Variants in TACR3 observed in about 807,000 individuals in gnomAD.
TACR3 encodes tachykinin receptor 3.
Under a neutral mutation model 35.0 loss-of-function variants are expected in TACR3, and 34 were observed. The ratio of observed to expected loss-of-function variants is 0.97; its 90% CI spans 0.74 to 1.30. The LOEUF (loss-of-function observed/expected upper bound fraction) is 1.30, where lower values mean the gene tolerates loss of function less well. Among genes scored for constraint, TACR3 ranks in the 50% most tolerant of loss-of-function variants. TACR3 has a pLI of 0.00. For missense variants in TACR3, 558 were observed against 591.7 expected (o/e 0.94, Z 0.59); for synonymous variants, 233 against 221.1 (o/e 1.05, Z -0.48).
chr4:103,636,654 T>A (rs1043195845), intron 3 of TACR3, among the ~76,000 whole-genome samples: 1 of 151,908 alleles, frequency 6.6e-6, no homozygotes, highest in Non-Finnish European at 1.5e-5. Context: ...CAGGAGCTGG[T>A]TTTTTGAAAA....
At chr4:103,668,826 G>A (rs1396069507) in intron 1 of TACR3, among the ~76,000 whole-genome samples, 1 of 146,970 alleles carries the variant, frequency 6.8e-6, no homozygotes, top group Non-Finnish European at 1.5e-5. Flanking sequence ...TCTGACCTAG[G>A]TGACAGAGTG....
chr4:103,611,137 T>C (rs1280220656), intron 3 of TACR3, among the ~76,000 whole-genome samples: 5 of 152,172 alleles, frequency 3.3e-5, no homozygotes, highest in African/African-American at 1.2e-4. Flanking sequence ...ATTTTAGGAT[T>C]GTTTTTCCTA....
At chr4:103,687,173 A>G (rs1211243071) in intron 1 of TACR3, among the ~76,000 whole-genome samples, 1 of 152,160 alleles carries the variant, frequency 6.6e-6, no homozygotes, top group African/African-American at 2.4e-5. Context: ...AGATGCAGAA[A>G]AGGCCTTTGA....
intron 1 of TACR3, among the ~76,000 whole-genome samples, chr4:103,712,637 A>T (rs1242359090): frequency 1.1e-4 from 17 of 152,230 alleles, no homozygotes; most frequent in Admixed American, 1.1e-3. Flanking sequence ...ATCCAATTAA[A>T]CTAAAGAGCT....
chr4:103,600,183 G>A (rs1031657079), intron 3 of TACR3, among the ~76,000 whole-genome samples: 1 of 152,058 alleles, frequency 6.6e-6, no homozygotes, highest in Admixed American at 6.6e-5. Flanking sequence ...TTTAGTCTTG[G>A]GAGGGTGTAT....
intron 1 of TACR3, among the ~76,000 whole-genome samples, chr4:103,673,349 A>C (rs539918860): frequency 1.3e-5 from 2 of 152,284 alleles, no homozygotes; most frequent in South Asian, 4.1e-4. Context: ...AGCGAGTGAC[A>C]TTGTGACTCT....
intron 3 of TACR3, among the ~76,000 whole-genome samples, chr4:103,650,618 T>TTTAA (rs1553971499): frequency 1.2e-5 from 1 of 86,016 alleles, no homozygotes; most frequent in Non-Finnish European, 2.0e-5. Context: ...TATAAATATA[T>TTTAA]TATATATAAA....
In TACR3 at chr4:103,693,833, C is replaced by G. The variant is rs116705542; in HGVS notation, c.548+25295G>C. Among the ~76,000 whole-genome samples the G allele has an allele frequency of 8.1e-3, 1,232 of 151,956 alleles. 18 individuals carry two copies. Among genetic ancestry groups the G allele is most frequent in the African/African-American group, 0.028 (1,179 of 41,470 alleles). On this transcript the variant is annotated intron_variant, in intron 1 of 4. Coordinates refer to ENST00000304883, the MANE Select transcript of TACR3 (RefSeq NM_001059.3). The stretch of plus-strand genomic sequence containing the variant: ...ATTTTTTTCCCAGGTAAAATGAAGA[C>G]CTTAATGATAATATTTTTGTTTTTT...
Position 103,719,586 on chromosome 4 carries a change from G to A in TACR3, c.90C>T (p.Ala30=), listed in dbSNP as rs566636422. ...DAVNLTASLA[A]GAATGAVETG... ...TCTCAACTGCCCCCGTGGCCGCCCC[G>A]GCAGCTAGCGAGGCGGTCAGGTTCA... The change falls in exon 1 of 5, where the codon GCC becomes GCT. Residue 30 remains alanine, a synonymous_variant. Coordinates refer to ENST00000304883, the MANE Select transcript of TACR3 (RefSeq NM_001059.3). 1.7e-5 allele frequency: 27 copies of A among 1,611,142 alleles called. No individual in the cohort carries two copies. In the East Asian group the frequency reaches 2.2e-4, roughly 13 times the overall value.
chr4:103,629,860 AC>A (rs1168963993), intron 3 of TACR3, among the ~76,000 whole-genome samples: 1,780 of 112,960 alleles, frequency 0.016, 30 homozygotes, highest in Middle Eastern at 0.028. Context: ...CAAAAAAAAA[AC>A]AAAAAAAAAA....
At chr4:103,690,479 T>C (rs1187055755) in intron 1 of TACR3, among the ~76,000 whole-genome samples, 1 of 152,068 alleles carries the variant, frequency 6.6e-6, no homozygotes, top group East Asian at 1.9e-4. Flanking sequence ...AGACCTTCAA[T>C]ATACGTCAAT....
intron 3 of TACR3, among the ~76,000 whole-genome samples, chr4:103,604,278 A>G (rs994099021): frequency 1.3e-5 from 2 of 152,242 alleles, no homozygotes; most frequent in African/African-American, 4.8e-5. Flanking sequence ...TGACAAAAAC[A>G]ATCAATGGGG....
chr4:103,636,481 C>G (rs1013993887), intron 3 of TACR3, among the ~76,000 whole-genome samples: 8 of 151,744 alleles, frequency 5.3e-5, no homozygotes, highest in Non-Finnish European at 1.2e-4. Flanking sequence ...GTTGGCTTAC[C>G]ACACAAAAGC....
At chr4:103,694,938 T>C (rs942196205) in intron 1 of TACR3, among the ~76,000 whole-genome samples, 1 of 152,176 alleles carries the variant, frequency 6.6e-6, no homozygotes, top group Non-Finnish European at 1.5e-5. Flanking sequence ...GACTGCAGAT[T>C]CTTGTTCATA....
At chr4:103,627,647 G>A (rs1158297039) in intron 3 of TACR3, among the ~76,000 whole-genome samples, 4 of 152,106 alleles carry the variant, frequency 2.6e-5, no homozygotes, top group Non-Finnish European at 4.4e-5. Flanking sequence ...CATAAAGCAA[G>A]TCCTTAGAGA....
chr4:103,642,586 C>T (rs1725378831), intron 3 of TACR3, among the ~76,000 whole-genome samples: 1 of 151,772 alleles, frequency 6.6e-6, no homozygotes, highest in South Asian at 2.1e-4. Flanking sequence ...TGTACTCACT[C>T]ATATGTGGGA....
chr4:103,634,756 C>T (rs1275453291), intron 3 of TACR3, among the ~76,000 whole-genome samples: 3 of 152,094 alleles, frequency 2.0e-5, no homozygotes, highest in South Asian at 2.1e-4. Flanking sequence ...AGAACTTTTT[C>T]ACTTCCAGTC....
At chr4:103,711,647 A>G (rs1264405799) in intron 1 of TACR3, among the ~76,000 whole-genome samples, 2 of 152,180 alleles carry the variant, frequency 1.3e-5, no homozygotes, top group Non-Finnish European at 2.9e-5. Flanking sequence ...TGGCCAGGGC[A>G]ATCAGGCAGG....
At position 103,710,871 on chromosome 4, in the gene TACR3, C is replaced by A. The variant is rs551799442; in HGVS notation, c.548+8257G>T. ...AGAGAACACTATAAACACTTCTACGCAAATAAACTAGAAAATCTAGAAGAA... is the reference window on the plus strand; with the variant it reads ...AGAGAACACTATAAACACTTCTACGAAAATAAACTAGAAAATCTAGAAGAA... On this transcript the variant is annotated intron_variant, in intron 1 of 4. Coordinates refer to ENST00000304883, the MANE Select transcript of TACR3 (RefSeq NM_001059.3). 2.6e-4 allele frequency among the ~76,000 whole-genome samples: 39 copies of A among 152,256 alleles called. 1 individual carries two copies. In the South Asian group the frequency reaches 7.9e-3, roughly 31 times the overall value.
Sources: allele counts gnomAD v4.1 joint callset (sites outside exome capture counted in the v4.1 genomes callset), GRCh38; gene constraint gnomAD v4.1.1; transcripts MANE v1.5; gene names NCBI Gene and HGNC (gene_info 2026-07-23, HGNC 2026-07-21).